NPFFR2: variants seen among roughly 807,000 people sequenced by gnomAD.
The protein encoded by NPFFR2 is G-protein coupled receptor 74.
Under a neutral mutation model 13.1 loss-of-function variants are expected in NPFFR2, and 15 were observed. The observed-to-expected ratio is 1.15, with a 90% CI of 0.77 to 1.76. The LOEUF is 1.76. Ranked by LOEUF, NPFFR2 falls within the 40% of genes most tolerant of loss-of-function variation. The pLI, the probability that NPFFR2 is intolerant of heterozygous loss-of-function variation, is 0.00. For missense variants in NPFFR2, 572 were observed against 503.5 expected (o/e 1.14, Z -1.30); for synonymous variants, 190 against 175.7 (o/e 1.08, Z -0.65).
intron 2 of NPFFR2, among the ~76,000 whole-genome samples, chr4:72,130,832 C>T (rs990298499): frequency 2.0e-5 from 3 of 152,184 alleles, no homozygotes; most frequent in Admixed American, 2.0e-4. Context: ...AGGGTGACAG[C>T]ATTTTGCACC....
At chr4:72,126,949 C>T (rs1027874472) in intron 1 of NPFFR2, among the ~76,000 whole-genome samples, 3 of 152,072 alleles carry the variant, frequency 2.0e-5, no homozygotes, top group Non-Finnish European at 4.4e-5. Context: ...TATGCTGGGT[C>T]CTGCAAGTCT....
At chr4:72,048,115 C>T (rs137963842) in intron 1 of NPFFR2, among the ~76,000 whole-genome samples, 51 of 152,174 alleles carry the variant, frequency 3.4e-4, no homozygotes, top group Non-Finnish European at 5.3e-4. Context: ...GGTCATCTCC[C>T]TGCCATATAT....
At chr4:72,133,816 G>C (rs1220288858) in intron 2 of NPFFR2, among the ~76,000 whole-genome samples, 2 of 152,088 alleles carry the variant, frequency 1.3e-5, no homozygotes, top group Non-Finnish European at 2.9e-5. Flanking sequence ...CTTGACTGTT[G>C]TGGATGTATA....
rs1409323894 is a variant in NPFFR2 at position 72,128,871 on chromosome 4, G to C, written c.280G>C (p.Val94Leu). Reference protein sequence around the residue: ...ILNLAISDLLVGIFCMPITLL... With the variant: ...ILNLAISDLLLGIFCMPITLL... ...AAACCTGGCCATAAGTGATTTACTA[G>C]TTGGCATATTCTGCATGCCTATAAC... The change falls in exon 2 of 4, where the codon GTT becomes CTT. Residue 94 changes from valine (V) to leucine (L), a missense_variant. Coordinates refer to ENST00000308744, the MANE Select transcript of NPFFR2 (RefSeq NM_004885.3). The C allele has an allele frequency of 6.2e-7, 1 of 1,614,040 alleles. No homozygotes were observed. The highest frequency in any genetic ancestry group is 8.5e-7 in the Non-Finnish European group (1 of 1,179,960).
intron 1 of NPFFR2, among the ~76,000 whole-genome samples, chr4:72,041,784 C>T (rs4401422): frequency 0.067 from 10,200 of 152,164 alleles, 977 homozygotes; most frequent in East Asian, 0.48. Context: ...GTTGACTGCT[C>T]GTATGTCTTC....
chr4:72,036,605 T>C (rs901997764), intron 1 of NPFFR2, among the ~76,000 whole-genome samples: 2 of 145,758 alleles, frequency 1.4e-5, no homozygotes, highest in African/African-American at 5.2e-5. Flanking sequence ...TATATACATT[T>C]AAATATATAG....
At chr4:72,076,622 G>A (rs1272130589) in intron 1 of NPFFR2, among the ~76,000 whole-genome samples, 4 of 152,162 alleles carry the variant, frequency 2.6e-5, no homozygotes, top group Admixed American at 2.0e-4. Flanking sequence ...GTGTGTGGAA[G>A]AATAAATGGT....
intron 1 of NPFFR2, among the ~76,000 whole-genome samples, chr4:72,067,305 C>T (rs987101589): frequency 1.3e-5 from 2 of 151,820 alleles, no homozygotes; most frequent in Non-Finnish European, 3.0e-5. Context: ...AAAGGACTTA[C>T]AGTAACGTTG....
Position 72,146,987 on chromosome 4 carries a change from T to C in NPFFR2, c.438T>C (p.Cys146=). 1.2e-6 allele frequency: 2 copies of C among 1,607,964 alleles called. No individual in the cohort carries two copies. Among genetic ancestry groups the C allele is most frequent in the Non-Finnish European group, 1.7e-6 (2 of 1,175,634 alleles). Residue 146 remains cysteine, a synonymous_variant, in exon 4 of 4, where the codon TGT becomes TGC. Coordinates refer to ENST00000308744, the MANE Select transcript of NPFFR2 (RefSeq NM_004885.3). ...LVAIAVDRFQ[C]VVYPFKPKLT... ...TTGTGTTTAATTGCAGGTTCCAGTG[T>C]GTGGTCTACCCTTTTAAACCAAAGC...
intron 1 of NPFFR2, among the ~76,000 whole-genome samples, chr4:72,080,510 A>T (rs1240375552): frequency 1.3e-5 from 2 of 152,128 alleles, no homozygotes; most frequent in Non-Finnish European, 1.5e-5. Context: ...TTTATCTTAT[A>T]CTATACATAT....
At position 72,055,304 on chromosome 4, in the gene NPFFR2, A is replaced by ATAG. The variant is rs1333799404; in HGVS notation, c.-8+23106_-8+23107insGTA. On this transcript the variant is annotated intron_variant, in intron 1 of 3. Transcript: ENST00000308744. ...TCACATTTCGGTAATTCTTGTGATA[A>ATAG]TAAAAAAGTTTGAAATATTGCATCT... 4.0e-5 allele frequency among the ~76,000 whole-genome samples: 6 copies of ATAG among 151,682 alleles called. No individual in the cohort carries two copies. The Middle Eastern group carries it at 0.01, about 258-fold the overall frequency.
At chr4:72,124,065 G>A (rs925692107) in intron 1 of NPFFR2, among the ~76,000 whole-genome samples, 4 of 152,278 alleles carry the variant, frequency 2.6e-5, no homozygotes, top group South Asian at 2.1e-4. Flanking sequence ...CTTCAGCAAA[G>A]TCTCAGGATA....
chr4:72,138,969 T>C (rs1416833345), intron 3 of NPFFR2, among the ~76,000 whole-genome samples: 1 of 152,198 alleles, frequency 6.6e-6, no homozygotes, highest in Non-Finnish European at 1.5e-5. Flanking sequence ...TGGTGTGAGA[T>C]GGTATCTCAT....
At chr4:72,106,149 A>G (rs1446690822) in intron 1 of NPFFR2, among the ~76,000 whole-genome samples, 2 of 152,150 alleles carry the variant, frequency 1.3e-5, no homozygotes, top group East Asian at 1.9e-4. Flanking sequence ...GAGATGTGCA[A>G]AGAGTTTAAT....
intron 3 of NPFFR2, among the ~76,000 whole-genome samples, chr4:72,144,559 A>G (rs1035181137): frequency 3.9e-5 from 6 of 152,038 alleles, no homozygotes; most frequent in Non-Finnish European, 2.9e-5. Context: ...ATTTCTCCTG[A>G]CTGAATCCTT....
intron 1 of NPFFR2, among the ~76,000 whole-genome samples, chr4:72,041,911 A>G (rs1041095093): frequency 2.0e-5 from 3 of 152,050 alleles, no homozygotes; most frequent in Non-Finnish European, 4.4e-5. Context: ...ATAGTTTGCA[A>G]ATATTTTCTC....
chr4:72,086,754 A>T (rs1578445920), intron 1 of NPFFR2, among the ~76,000 whole-genome samples: 1 of 152,106 alleles, frequency 6.6e-6, no homozygotes, highest in East Asian at 1.9e-4. Flanking sequence ...TAAATAAAAA[A>T]TATTTTGGAA....
intron 1 of NPFFR2, among the ~76,000 whole-genome samples, chr4:72,053,903 G>A (rs1019561461): frequency 6.6e-6 from 1 of 151,860 alleles, no homozygotes; most frequent in African/African-American, 2.4e-5. Flanking sequence ...GTAACTGTAT[G>A]TTTTGTATAG....
At chr4:72,041,342 A>G (rs1019807359) in intron 1 of NPFFR2, among the ~76,000 whole-genome samples, 7 of 152,232 alleles carry the variant, frequency 4.6e-5, no homozygotes, top group Non-Finnish European at 1.0e-4. Context: ...TCTTTTTTAT[A>G]ACTGCATAGT....
Sources: allele counts gnomAD v4.1 joint callset (sites outside exome capture counted in the v4.1 genomes callset), GRCh38; gene constraint gnomAD v4.1.1; transcripts MANE v1.5; gene names NCBI Gene and HGNC (gene_info 2026-07-23, HGNC 2026-07-21).